Variants in FOXN3 observed in about 807,000 individuals in gnomAD.
FOXN3 encodes forkhead box protein N3.
FOXN3 carries 7 observed loss-of-function variants against 38.4 expected under a neutral mutation model. That is an observed-to-expected ratio of 0.18 (90% CI 0.10 to 0.34). FOXN3 has a LOEUF of 0.34. Ranked by LOEUF, FOXN3 falls within the 10% of genes least tolerant of loss-of-function variation. FOXN3 has a pLI of 1.00. For synonymous variants in FOXN3, 230 were observed against 242.2 expected, an observed-to-expected ratio of 0.95 and a Z score of 0.47; for missense variants, 456 against 613.4, an observed-to-expected ratio of 0.74 and a Z score of 2.71.
chr14:89,365,132 C>T (rs1280133507), intron 2 of FOXN3, among the ~76,000 whole-genome samples: 2 of 152,112 alleles, frequency 1.3e-5, no homozygotes, highest in South Asian at 2.1e-4. Context: ...ATCTCTGTTC[C>T]GTTACTCACT....
chr14:89,570,573 C>G (rs1459908918), intron 1 of FOXN3, among the ~76,000 whole-genome samples: 1 of 152,160 alleles, frequency 6.6e-6, no homozygotes, highest in East Asian at 1.9e-4. Context: ...GGATGGAAAA[C>G]CAAGCTTGTC....
chr14:89,229,958 C>A (rs909949780), intron 4 of FOXN3, among the ~76,000 whole-genome samples: 2 of 152,206 alleles, frequency 1.3e-5, no homozygotes, highest in Admixed American at 1.3e-4. Context: ...TGAATGGCCC[C>A]ACTGGCCTCT....
At chr14:89,276,056 C>A (rs1341684385) in intron 4 of FOXN3, among the ~76,000 whole-genome samples, 3 of 152,194 alleles carry the variant, frequency 2.0e-5, no homozygotes, top group African/African-American at 7.2e-5. Context: ...GCAGATGGAT[C>A]ACATGAGATC....
intron 3 of FOXN3, among the ~76,000 whole-genome samples, chr14:89,281,242 C>T (rs1162412882): frequency 6.6e-6 from 1 of 152,210 alleles, no homozygotes; most frequent in Non-Finnish European, 1.5e-5. Flanking sequence ...ACCCTGCTCA[C>T]ACCTGGGCAC....
At chr14:89,506,377 G>A (rs1191573544) in intron 1 of FOXN3, among the ~76,000 whole-genome samples, 2 of 143,000 alleles carry the variant, frequency 1.4e-5, no homozygotes, top group African/African-American at 2.6e-5. Flanking sequence ...GGTGAGGGGC[G>A]CCTCTGCCCG....
intron 4 of FOXN3, among the ~76,000 whole-genome samples, chr14:89,188,098 G>C (rs576377773): frequency 6.6e-6 from 1 of 152,252 alleles, no homozygotes; most frequent in East Asian, 1.9e-4. Context: ...TGAAGGCTGT[G>C]GCTGGATTTC....
intron 3 of FOXN3, among the ~76,000 whole-genome samples, chr14:89,300,754 T>C (rs1178194534): frequency 1.3e-5 from 2 of 152,202 alleles, no homozygotes; most frequent in Non-Finnish European, 2.9e-5. Context: ...GGGCACTCAA[T>C]TGCTACAGTT....
chr14:89,321,226 G>C (rs545895335), intron 3 of FOXN3, among the ~76,000 whole-genome samples: 1 of 152,068 alleles, frequency 6.6e-6, no homozygotes, highest in African/African-American at 2.4e-5. Context: ...GGGAGGTGGA[G>C]GTTGCAGTGA....
rs962880261 is a variant in FOXN3 at position 89,159,672 on chromosome 14, G to C, written c.*2742C>G. On this transcript the variant is annotated 3_prime_UTR_variant, in exon 6 of 6. Transcript: ENST00000557258. ...TTGAACCTCTGCCTTTCAGGAGAGA[G>C]GTCTGAATTTTATCATCTGTGGGGT... is the stretch of plus-strand genomic sequence containing the variant. The C allele has an allele frequency of 2.6e-5, 4 of 152,272 alleles. No homozygotes were observed. Among genetic ancestry groups the C allele is most frequent in the African/African-American group, 4.8e-5 (2 of 41,444 alleles). The allele number at this position is 152,272 out of a possible 1,614,324, so 9.4% of individuals were successfully genotyped here.
chr14:89,198,412 A>AC (rs1310780740), intron 4 of FOXN3, among the ~76,000 whole-genome samples: 1 of 152,196 alleles, frequency 6.6e-6, no homozygotes, highest in African/African-American at 2.4e-5. Context: ...CCCCATGGAT[A>AC]CCGAGGGATG....
chr14:89,175,486 G>C (rs915440519), intron 5 of FOXN3, among the ~76,000 whole-genome samples: 1 of 152,172 alleles, frequency 6.6e-6, no homozygotes, highest in Non-Finnish European at 1.5e-5. Flanking sequence ...TGAGAGACAG[G>C]CTAGGTGAAT....
intron 2 of FOXN3, among the ~76,000 whole-genome samples, chr14:89,360,579 A>AGAGAGAG (rs397713533): frequency 7.3e-5 from 8 of 108,926 alleles, no homozygotes; most frequent in African/African-American, 2.7e-4. Flanking sequence ...AGAGAGAGAG[A>AGAGAGAG]AGAAGAAAGG....
chr14:89,474,648 A>G (rs1037783583), intron 1 of FOXN3, among the ~76,000 whole-genome samples: 4 of 152,176 alleles, frequency 2.6e-5, no homozygotes, highest in Non-Finnish European at 4.4e-5. Context: ...TAATAAAATA[A>G]ATAGCAGCTT....
intron 1 of FOXN3, among the ~76,000 whole-genome samples, chr14:89,499,173 G>T (rs1336570106): frequency 6.6e-6 from 1 of 151,970 alleles, no homozygotes; most frequent in Non-Finnish European, 1.5e-5. Flanking sequence ...GCCTGTCAGG[G>T]TATCAGCGGG....
At chr14:89,402,475 T>A (rs1179131506) in intron 2 of FOXN3, among the ~76,000 whole-genome samples, 1 of 152,212 alleles carries the variant, frequency 6.6e-6, no homozygotes, top group Non-Finnish European at 1.5e-5. Flanking sequence ...AGTTCCAAGT[T>A]TGCTTGGCAA....
intron 2 of FOXN3, chr14:89,356,554 C>T (rs1889234536): frequency 6.6e-6 from 1 of 152,088 alleles, no homozygotes; most frequent in Non-Finnish European, 1.5e-5. Flanking sequence ...TAAAACAAGA[C>T]AAAAACTGAA....
At position 89,163,379 on chromosome 14, in the gene FOXN3, C is replaced by T. The variant is rs542342725; in HGVS notation, c.852-410G>A. The stretch of plus-strand genomic sequence containing the variant: ...TACTTCAGAGAAAAAAGCCTGCTCT[C>T]GTCTGAAGCGGCTACATTAGGAGGC... On this transcript the variant is annotated intron_variant, in intron 5 of 5. Transcript: ENST00000557258. The surrounding 1 kb of genome is among the most constrained non-coding windows in gnomAD (Gnocchi z 4.3). Among the ~76,000 whole-genome samples, 113 of 152,310 alleles carry T rather than the reference C, an allele frequency of 7.4e-4. No homozygotes were observed. The highest frequency in any genetic ancestry group is 3.4e-3 in the Middle Eastern group (1 of 294).
At chr14:89,495,755 T>A (rs1372994147) in intron 1 of FOXN3, among the ~76,000 whole-genome samples, 1 of 152,216 alleles carries the variant, frequency 6.6e-6, no homozygotes, top group Non-Finnish European at 1.5e-5. Flanking sequence ...GGTTATTTCA[T>A]TTGACTCTCA....
In FOXN3 at chr14:89,569,338, T is replaced by TCAG. The variant is rs1237800863; in HGVS notation, c.-15+49689_-15+49690insCTG. 8.5e-5 allele frequency among the ~76,000 whole-genome samples: 13 copies of TCAG among 152,280 alleles called. 1 individual carries two copies. In the Middle Eastern group the frequency reaches 0.031, roughly 359 times the overall value. On this transcript the variant is annotated intron_variant, in intron 1 of 6. Transcript: ENST00000345097. Reference sequence around the variant, plus strand: ...AAAGTAGTATTTAATACGTAGGTAGTGGAAAGTGACCTTGGGTGAGCAGTG... The same window carrying TCAG: ...AAAGTAGTATTTAATACGTAGGTAGTCAGGGAAAGTGACCTTGGGTGAGCAGTG...
Sources: gnomAD v4.1 joint callset for allele counts (sites outside exome capture counted in the v4.1 genomes callset) on GRCh38, gnomAD v4.1.1 for gene constraint, Gnocchi (gnomAD v3.1) non-coding constraint, MANE v1.5 for transcripts, NCBI Gene and HGNC (gene_info 2026-07-23, HGNC 2026-07-21) for gene names.